PTPN14: variants seen among roughly 807,000 people sequenced by gnomAD.
The protein encoded by PTPN14 is protein tyrosine phosphatase non-receptor type 14, also known as tyrosine-protein phosphatase non-receptor type 14.
A neutral mutation model predicts 126.8 loss-of-function variants in PTPN14; 53 were observed. That is an observed-to-expected ratio of 0.42 (90% CI 0.34 to 0.53). The LOEUF is 0.53. PTPN14 is among the 20% of genes least tolerant of loss of function. The pLI, the probability that PTPN14 is intolerant of heterozygous loss-of-function variation, is 0.08. For missense variants in PTPN14, 1,257 were observed against 1,552.9 expected (o/e 0.81, Z 3.20); for synonymous variants, 630 against 599.3 (o/e 1.05, Z -0.75).
chr1:214,492,924 G>A (rs562920820), intron 1 of PTPN14, among the ~76,000 whole-genome samples: 21 of 151,902 alleles, frequency 1.4e-4, no homozygotes, highest in African/African-American at 4.1e-4. Context: ...AAAAGAATGC[G>A]GCAGAATTCA....
intron 3 of PTPN14, among the ~76,000 whole-genome samples, chr1:214,429,137 T>C (rs1659741614): frequency 6.6e-6 from 1 of 152,222 alleles, no homozygotes; most frequent in African/African-American, 2.4e-5. Context: ...GGCATGACCA[T>C]GCTTATAGAC....
chr1:214,425,919 G>T (rs549549527), intron 3 of PTPN14, among the ~76,000 whole-genome samples: 1 of 151,752 alleles, frequency 6.6e-6, no homozygotes, highest in African/African-American at 2.4e-5. Flanking sequence ...AGGCTCCCAG[G>T]GGGTAGGTGA....
chr1:214,438,316 T>C (rs1246430457), intron 3 of PTPN14, among the ~76,000 whole-genome samples: 1 of 152,148 alleles, frequency 6.6e-6, no homozygotes, highest in Non-Finnish European at 1.5e-5. Flanking sequence ...TTAGCCTTCC[T>C]ACACTCGGCA....
At chr1:214,477,276 AAATGTT>A (rs1660888054) in intron 1 of PTPN14, among the ~76,000 whole-genome samples, 2 of 152,246 alleles carry the variant, frequency 1.3e-5, no homozygotes. Flanking sequence ...TGATGTAACC[AAATGTT>A]AATTACTAAC....
At chr1:214,385,807 AAC>A (rs1366741427) in intron 12 of PTPN14, among the ~76,000 whole-genome samples, 2 of 152,164 alleles carry the variant, frequency 1.3e-5, no homozygotes, top group Admixed American at 6.5e-5. Context: ...AAACAGGGGG[AAC>A]ACAGAGACAA....
chr1:214,539,972 T>G (rs1366565920), intron 1 of PTPN14, among the ~76,000 whole-genome samples: 1 of 152,176 alleles, frequency 6.6e-6, no homozygotes, highest in Non-Finnish European at 1.5e-5. Context: ...TTCTAAAGAA[T>G]ATAATTAAGA....
chr1:214,449,815 C>T (rs926685625), intron 3 of PTPN14, among the ~76,000 whole-genome samples: 7 of 150,528 alleles, frequency 4.7e-5, no homozygotes, highest in Non-Finnish European at 1.0e-4. Flanking sequence ...ATGCCATCTA[C>T]TTACAATACC....
At chr1:214,451,468 A>G (rs1008976704) in intron 3 of PTPN14, among the ~76,000 whole-genome samples, 5 of 152,090 alleles carry the variant, frequency 3.3e-5, no homozygotes, top group African/African-American at 1.2e-4. Flanking sequence ...ACGCCTGGCC[A>G]GGTCATTAAT....
At chr1:214,520,068 ATAT>A in intron 1 of PTPN14, among the ~76,000 whole-genome samples, 1 of 130,848 alleles carries the variant, frequency 7.6e-6, no homozygotes, top group East Asian at 2.2e-4. Context: ...AAAAAAAAAT[ATAT>A]ATATATATAT....
At chr1:214,483,033 T>A in intron 1 of PTPN14, 2 of 1,601,508 alleles carry the variant, frequency 1.2e-6, no homozygotes, top group Non-Finnish European at 1.7e-6. Context: ...TCTGCAAGAA[T>A]ACTGTGAACC....
intron 2 of PTPN14, among the ~76,000 whole-genome samples, chr1:214,459,828 T>C (rs12128034): frequency 0.83 from 126,177 of 152,226 alleles, 52,401 homozygotes; most frequent in African/African-American, 0.89. Context: ...GCAAGGTAAC[T>C]ATGTCATGCT....
chr1:214,476,384 G>A (rs1038876294), intron 1 of PTPN14, among the ~76,000 whole-genome samples: 1 of 152,218 alleles, frequency 6.6e-6, no homozygotes, highest in African/African-American at 2.4e-5. Flanking sequence ...TTTCCGGAGA[G>A]GTGCGCCCTG....
chr1:214,403,075 T>C (rs1571977463), intron 5 of PTPN14, 122 bp from the exon 6 acceptor site: 2 of 890,864 alleles, frequency 2.2e-6, no homozygotes, highest in Non-Finnish European at 3.6e-6. Context: ...AATATCTCCT[T>C]TACTGCTGTA....
Position 214,513,275 on chromosome 1 carries a change from G to A in PTPN14, c.-155+37908C>T, listed in dbSNP as rs1346618356. 2.0e-5 allele frequency among the ~76,000 whole-genome samples: 3 copies of A among 152,150 alleles called. No individual in the cohort carries two copies. The South Asian group carries it at 6.2e-4, about 32-fold the overall frequency. ...AGCATGTACTTAGTACCTACTATGTGCCAAGCACTGTTTTAGATGCTGTGC... is the reference window on the plus strand; with the variant it reads ...AGCATGTACTTAGTACCTACTATGTACCAAGCACTGTTTTAGATGCTGTGC... On this transcript the variant is annotated intron_variant, in intron 1 of 18. Transcript: ENST00000366956.
rs1300521749 is a variant in PTPN14 at position 214,351,308 on chromosome 1, G to GAAAAA, written c.*6609_*6613dup. The GAAAAA allele has an allele frequency of 7.3e-6, 1 of 136,664 alleles. No individual in the cohort carries two copies. The highest frequency in any genetic ancestry group is 2.8e-5 in the African/African-American group (1 of 35,608). 8.5% of individuals were successfully genotyped at this position (136,664 alleles called of 1,614,324 possible). A position where few individuals can be genotyped will look rare whatever the true frequency, so the allele number is the denominator to read the frequency against. On this transcript the variant is annotated 3_prime_UTR_variant, in exon 19 of 19. Transcript: ENST00000366956. ...CAAAAACTAAAAAAAAAAAAAAAAAGAAAAAGAAAAAAAAAAAGGCAGCAG... is the reference window on the plus strand; with the variant it reads ...CAAAAACTAAAAAAAAAAAAAAAAAGAAAAAAAAAAGAAAAAAAAAAAGGCAGCAG...
intron 1 of PTPN14, among the ~76,000 whole-genome samples, chr1:214,500,855 T>C (rs11808678): frequency 0.043 from 6,595 of 152,232 alleles, 495 homozygotes; most frequent in African/African-American, 0.15. Flanking sequence ...TCCCTCATCA[T>C]TAACATGAAG....
intron 13 of PTPN14, among the ~76,000 whole-genome samples, chr1:214,382,181 G>A (rs1049418942): frequency 3.3e-5 from 5 of 152,160 alleles, no homozygotes; most frequent in Admixed American, 6.5e-5. Context: ...GATTACAGGC[G>A]TGAGCCACAG....
chr1:214,442,967 G>T (rs957429310), intron 3 of PTPN14, among the ~76,000 whole-genome samples: 3 of 152,068 alleles, frequency 2.0e-5, no homozygotes, highest in Non-Finnish European at 2.9e-5. Flanking sequence ...GGGATTACAG[G>T]TATGTGCCAC....
rs1434311336 is a variant in PTPN14 at position 214,490,909 on chromosome 1, G to GA, written c.-154-25953dup. Among the ~76,000 whole-genome samples the GA allele has an allele frequency of 6.7e-3, 103 of 15,312 alleles. 6 individuals carry two copies. Among genetic ancestry groups the GA allele is most frequent in the African/African-American group, 0.024 (99 of 4,094 alleles). 10.0% of individuals were successfully genotyped at this position (15,312 alleles called of 152,430 possible). A position where few individuals can be genotyped will look rare whatever the true frequency, so the allele number is the denominator to read the frequency against. On this transcript the variant is annotated intron_variant, in intron 1 of 18. Transcript: ENST00000366956. ...GAAGGGGAGGGGAGGGAAGGGGAAG[G>GA]AAGGGAAGGAAAGAAAGGAAGGAAA...
Sources: gnomAD v4.1 joint callset for allele counts (sites outside exome capture counted in the v4.1 genomes callset) on GRCh38, gnomAD v4.1.1 for gene constraint, MANE v1.5 for transcripts, NCBI Gene and HGNC (gene_info 2026-07-23, HGNC 2026-07-21) for gene names.